Variants in ABCA4 observed in about 807,000 individuals in gnomAD.
The protein encoded by ABCA4 is retinal-specific phospholipid-transporting ATPase ABCA4.
Under a neutral mutation model 263.7 loss-of-function variants are expected in ABCA4, and 196 were observed. The observed-to-expected ratio is 0.74, with a 90% CI of 0.66 to 0.84. The LOEUF (loss-of-function observed/expected upper bound fraction) is 0.84. ABCA4 is among the 40% of genes least tolerant of loss of function. The pLI is 0.00. For synonymous variants in ABCA4, 1,133 were observed against 1,094.2 expected (o/e 1.04, Z -0.70); for missense variants, 2,792 against 2,855.1 (o/e 0.98, Z 0.50).
chr1:94,009,048 G>C (rs543729429), intron 40 of ABCA4, among the ~76,000 whole-genome samples, 177 bp from the exon 41 acceptor site: 1 of 152,192 alleles, frequency 6.6e-6, no homozygotes, highest in Admixed American at 6.5e-5. Flanking sequence ...TAGGTAGAGA[G>C]GTCAGGTGCT....
chr1:94,115,070 C>A (rs1439507333), intron 1 of ABCA4, among the ~76,000 whole-genome samples: 1 of 152,230 alleles, frequency 6.6e-6, no homozygotes, highest in Non-Finnish European at 1.5e-5. Context: ...AAGAAACAGC[C>A]TCCCCCAGGG....
At chr1:94,060,922 A>G (rs551909824) in intron 13 of ABCA4, among the ~76,000 whole-genome samples, 163 bp from the exon 14 acceptor site, 94 of 152,360 alleles carry the variant, frequency 6.2e-4, no homozygotes, top group Non-Finnish European at 1.1e-3. Flanking sequence ...CTTTTAACAC[A>G]TTCCATGTTA....
intron 49 of ABCA4, among the ~76,000 whole-genome samples, chr1:93,993,815 C>T (rs1658931602): frequency 6.6e-6 from 1 of 152,060 alleles, no homozygotes; most frequent in South Asian, 2.1e-4. Flanking sequence ...ACCTTTTTAA[C>T]TGGAGAGATA....
Position 94,077,801 on chromosome 1 carries a change from G to A in ABCA4, c.1443C>T (p.Phe481=), listed in dbSNP as rs780598926. Residue 481 remains phenylalanine (F), a synonymous_variant, in exon 11 of 50, where the codon TTC becomes TTT. Coordinates refer to ENST00000370225, the MANE Select transcript of ABCA4 (RefSeq NM_000350.3). Reference sequence around the variant, plus strand: ...GGCTTTCCCGAGGGCCCTTGTAGAGGAAGTTTAGGATGGCTTCAGCAGTAA... The same window carrying A: ...GGCTTTCCCGAGGGCCCTTGTAGAGAAAGTTTAGGATGGCTTCAGCAGTAA... ...EGITAEAILN[F]LYKGPRESQA... 6.2e-6 allele frequency: 10 copies of A among 1,614,096 alleles called. No individual in the cohort carries two copies. The highest frequency in any genetic ancestry group is 2.7e-5 in the African/African-American group (2 of 74,940).
chr1:94,017,545 A>C (rs1659774264), intron 36 of ABCA4, among the ~76,000 whole-genome samples: 1 of 152,232 alleles, frequency 6.6e-6, no homozygotes, highest in African/African-American at 2.4e-5. Context: ...CATGATTCTG[A>C]GCTAGATCCT....
In ABCA4 at chr1:94,080,441, G is replaced by A. The variant is rs148527784; in HGVS notation, c.1099+37C>T. ...GTTAAACCATCAACTTAACCAACAT[G>A]AGAGGCCAATTTATAAGCAGGACTC... On this transcript the variant is annotated intron_variant, in intron 8 of 49. Transcript: ENST00000370225. The A allele has an allele frequency of 1.4e-4, 232 of 1,613,596 alleles. No homozygotes were observed. In the African/African-American group the frequency reaches 2.4e-3, roughly 17 times the overall value.
intron 11 of ABCA4, among the ~76,000 whole-genome samples, chr1:94,064,560 T>C (rs368909220): frequency 1.3e-5 from 2 of 152,316 alleles, no homozygotes. Context: ...GGCTGTGCTT[T>C]AGAACCACTG....
intron 47 of ABCA4, among the ~76,000 whole-genome samples, chr1:93,999,054 T>G: frequency 6.7e-6 from 1 of 148,428 alleles, no homozygotes; most frequent in African/African-American, 2.5e-5. Flanking sequence ...CCCAGCCTAT[T>G]TTATTTTTTG....
At chr1:94,087,999 G>GCTA (rs1661877332) in intron 6 of ABCA4, among the ~76,000 whole-genome samples, 1 of 152,160 alleles carries the variant, frequency 6.6e-6, no homozygotes, top group Non-Finnish European at 1.5e-5. Context: ...TGTCTCCCTA[G>GCTA]CTACAGTCTA....
At position 94,021,989 on chromosome 1, in the gene ABCA4, G is replaced by A. The variant is rs61754053; in HGVS notation, c.4668-38C>T. On this transcript the variant is annotated intron_variant, in intron 32 of 49. Coordinates refer to ENST00000370225, the MANE Select transcript of ABCA4 (RefSeq NM_000350.3). ...CAGGAAATCCTCAGACCAGGGCCAC[G>A]AACTTCACGCCTACTAGTAGCTCTC... 11,557 of 1,549,954 alleles carry A rather than the reference G, an allele frequency of 7.5e-3. 72 individuals carry two copies. The highest frequency in any genetic ancestry group is 0.021 in the South Asian group (1,847 of 89,736).
At chr1:94,013,344 CAG>C (rs1413224742) in intron 38 of ABCA4, among the ~76,000 whole-genome samples, 1 of 152,196 alleles carries the variant, frequency 6.6e-6, no homozygotes, top group Non-Finnish European at 1.5e-5. Flanking sequence ...GAGTCAGTCT[CAG>C]GGGTCCACGG....
intron 11 of ABCA4, among the ~76,000 whole-genome samples, chr1:94,067,080 C>T (rs1036802229): frequency 1.3e-5 from 2 of 152,182 alleles, no homozygotes; most frequent in South Asian, 4.2e-4. Context: ...ATGATAGGGC[C>T]TCGATATATG....
At chr1:94,011,134 C>T in intron 39 of ABCA4, 128 bp downstream of exon 39, 2 of 1,557,826 alleles carry the variant, frequency 1.3e-6, no homozygotes, top group Non-Finnish European at 1.8e-6. Flanking sequence ...GCTGGCAGGA[C>T]ACCTCCAGCC....
intron 23 of ABCA4, 58 bp downstream of exon 23, chr1:94,041,151 C>T: frequency 1.3e-6 from 2 of 1,581,448 alleles, no homozygotes; most frequent in East Asian, 2.2e-5. Context: ...GAGTGGCAGC[C>T]CCGTGCTGTG....
intron 5 of ABCA4, among the ~76,000 whole-genome samples, chr1:94,099,435 T>C (rs1662229271): frequency 6.6e-6 from 1 of 152,214 alleles, no homozygotes; most frequent in South Asian, 2.1e-4. Flanking sequence ...AGATAATGCA[T>C]CTGTGTTGTT....
At position 94,036,817 on chromosome 1, in the gene ABCA4, TG is replaced by T. The variant is rs766566457; in HGVS notation, c.3814-30del. On this transcript the variant is annotated intron_variant, in intron 25 of 49. Coordinates refer to ENST00000370225, the MANE Select transcript of ABCA4 (RefSeq NM_000350.3). The stretch of plus-strand genomic sequence containing the variant: ...TCAAGAAGAAAAAAAGAGAGAATTT[TG>T]TTTAGTCATTCTTATTCTCAGAAAA... 6 of 1,608,932 alleles carry T rather than the reference TG, an allele frequency of 3.7e-6. No homozygotes were observed. The African/African-American group carries it at 8.0e-5, about 22-fold the overall frequency.
At position 94,063,123 on chromosome 1, in the gene ABCA4, C is replaced by G. The variant is rs145265791; in HGVS notation, c.1749G>C (p.Lys583Asn). 18 of 1,613,616 alleles carry G rather than the reference C, an allele frequency of 1.1e-5. No individual in the cohort carries two copies. The African/African-American group carries it at 1.9e-4, about 17-fold the overall frequency. ...TCCTGAAACATCACCTGTCTTTAAT[C>G]TTATTGGTTTTCTCCACCACGTCTA... is the stretch of plus-strand genomic sequence containing the variant. ...MDIDVVEKTN[K>N]IKDRYWDSGP... The change falls in exon 12 of 50, where the codon AAG (lysine) becomes AAC (asparagine). Residue 583 changes from lysine (K) to asparagine (N), a missense_variant. By Grantham distance (94) the Lys-to-Asn change is moderately conservative. Coordinates refer to ENST00000370225, the MANE Select transcript of ABCA4 (RefSeq NM_000350.3).
chr1:94,003,412 T>C (rs1220505451), intron 44 of ABCA4, among the ~76,000 whole-genome samples: 7 of 151,944 alleles, frequency 4.6e-5, no homozygotes, highest in Non-Finnish European at 8.8e-5. Flanking sequence ...TTCCTCATGA[T>C]AAGATTCAGG....
At chr1:94,101,441 G>T (rs1383892802) in intron 5 of ABCA4, among the ~76,000 whole-genome samples, 2 of 152,188 alleles carry the variant, frequency 1.3e-5, no homozygotes, top group Non-Finnish European at 2.9e-5. Context: ...CTGACCCTAG[G>T]TTCCCCTTGT....
Sources: allele counts gnomAD v4.1 joint callset (sites outside exome capture counted in the v4.1 genomes callset), GRCh38; gene constraint gnomAD v4.1.1; transcripts MANE v1.5; gene names NCBI Gene and HGNC (gene_info 2026-07-23, HGNC 2026-07-21).